The following CDH19 variants were observed in gnomAD, a reference collection of about 807,000 sequenced individuals.
The protein encoded by CDH19 is cadherin 19.
CDH19 carries 67 observed loss-of-function variants against 64.2 expected under a neutral mutation model. The ratio of observed to expected loss-of-function variants is 1.04; its 90% confidence interval spans 0.86 to 1.28. The LOEUF (loss-of-function observed/expected upper bound fraction) is 1.28, where lower values mean the gene tolerates loss of function less well. CDH19 is among the 50% of genes most tolerant of loss of function. The pLI, the probability that CDH19 is intolerant of heterozygous loss-of-function variation, is 0.00. For missense variants in CDH19, 1,030 were observed against 929.0 expected (o/e 1.11, Z -1.41); for synonymous variants, 346 against 319.3 (o/e 1.08, Z -0.89).
At position 66,542,130 on chromosome 18, in the gene CDH19, A is replaced by G. The variant is rs1986910659; in HGVS notation, c.1214+1841T>C. 2.0e-5 allele frequency among the ~76,000 whole-genome samples: 3 copies of G among 152,160 alleles called. No individual in the cohort carries two copies. In the South Asian group the frequency reaches 6.2e-4, roughly 31 times the overall value. ...ATTCCATATTATTTAGTGTTCCCTGAAGAACAATGAATAGGTATACAGATA... is the reference window on the plus strand; with the variant it reads ...ATTCCATATTATTTAGTGTTCCCTGGAGAACAATGAATAGGTATACAGATA... On this transcript the variant is annotated intron_variant, in intron 7 of 11. Transcript: ENST00000262150.
chr18:66,503,189 A>G lies in CDH19; in HGVS notation c.*1623T>C, dbSNP rs996224912. The stretch of plus-strand genomic sequence containing the variant: ...TGAAGTCTACCTTGATTTGGATAGA[A>G]TAATAAAGATCATTCTTAAAAGGTC... On this transcript the variant is annotated 3_prime_UTR_variant, in exon 12 of 12. Coordinates refer to ENST00000262150, the MANE Select transcript of CDH19 (RefSeq NM_021153.4). The G allele has an allele frequency of 2.0e-5, 3 of 151,848 alleles. No individual in the cohort carries two copies. The highest frequency in any genetic ancestry group is 7.2e-5 in the African/African-American group (3 of 41,436). 9.4% of individuals were successfully genotyped at this position (151,848 alleles called of 1,614,324 possible).
At chr18:66,538,788 G>A (rs973698160) in intron 7 of CDH19, among the ~76,000 whole-genome samples, 2 of 151,952 alleles carry the variant, frequency 1.3e-5, no homozygotes, top group African/African-American at 2.4e-5. Flanking sequence ...AGTGATTTCC[G>A]GCAGTCCTTG....
chr18:66,548,877 G>GA (rs1987237334), intron 5 of CDH19, among the ~76,000 whole-genome samples: 1 of 152,270 alleles, frequency 6.6e-6, no homozygotes. Flanking sequence ...TAGGATGTGA[G>GA]AAAAAACAAT....
chr18:66,568,017 TCTA>T (rs1987970776), intron 3 of CDH19, among the ~76,000 whole-genome samples: 1 of 151,744 alleles, frequency 6.6e-6, no homozygotes, highest in Non-Finnish European at 1.5e-5. Flanking sequence ...TACAATAGAG[TCTA>T]ATAAATTCAC....
chr18:66,536,656 A>G (rs1247881868), intron 7 of CDH19, among the ~76,000 whole-genome samples: 1 of 151,732 alleles, frequency 6.6e-6, no homozygotes, highest in African/African-American at 2.4e-5. Context: ...AGAAGTAAAA[A>G]TATATGTAGC....
At position 66,588,429 on chromosome 18, in the gene CDH19, G is replaced by A. The variant is rs115844937; in HGVS notation, c.-113+15525C>T. On this transcript the variant is annotated intron_variant, in intron 1 of 11. Coordinates refer to ENST00000262150, the MANE Select transcript of CDH19 (RefSeq NM_021153.4). ...TATGCTGGGTAGGAAAGAGTTCAGC[G>A]AGCCAGCTGTTATTTGTTAATTCTT... is the stretch of plus-strand genomic sequence containing the variant. Among the ~76,000 whole-genome samples the A allele has an allele frequency of 8.1e-3, 1,223 of 151,834 alleles. 15 individuals are homozygous for A. The highest frequency in any genetic ancestry group is 0.028 in the African/African-American group (1,160 of 41,486).
At chr18:66,535,341 A>G (rs1986619549) in intron 7 of CDH19, among the ~76,000 whole-genome samples, 1 of 151,604 alleles carries the variant, frequency 6.6e-6, no homozygotes, top group South Asian at 2.1e-4. Context: ...TAAATCTAAA[A>G]TTAATGATTG....
At chr18:66,532,727 G>A in intron 8 of CDH19, 1 of 451,782 alleles carries the variant, frequency 2.2e-6, no homozygotes, top group East Asian at 7.0e-5. Flanking sequence ...ATGTGGGGAA[G>A]GATAGGAGAC....
intron 1 of CDH19, among the ~76,000 whole-genome samples, chr18:66,601,288 T>C (rs544934940): frequency 6.6e-6 from 1 of 152,030 alleles, no homozygotes; most frequent in South Asian, 2.1e-4. Flanking sequence ...TTCTTTTCTG[T>C]GATGTATTTA....
intron 1 of CDH19, among the ~76,000 whole-genome samples, chr18:66,573,958 T>C (rs1010697498): frequency 6.6e-6 from 1 of 151,074 alleles, no homozygotes; most frequent in African/African-American, 2.4e-5. Flanking sequence ...ATACACACTT[T>C]TAAACATCAA....
At chr18:66,593,067 T>C (rs971783635) in intron 1 of CDH19, among the ~76,000 whole-genome samples, 2 of 151,890 alleles carry the variant, frequency 1.3e-5, no homozygotes, top group Non-Finnish European at 2.9e-5. Context: ...ACAGTATTTT[T>C]TTTTAGACTT....
chr18:66,593,236 A>G (rs1988793005), intron 1 of CDH19, among the ~76,000 whole-genome samples: 1 of 151,926 alleles, frequency 6.6e-6, no homozygotes, highest in South Asian at 2.1e-4. Context: ...AGCAAAATAA[A>G]TAGGAATTGT....
chr18:66,601,154 A>G (rs766717220), intron 1 of CDH19, among the ~76,000 whole-genome samples: 1 of 151,866 alleles, frequency 6.6e-6, no homozygotes, highest in African/African-American at 2.4e-5. Context: ...TATGTTTAGT[A>G]GTATTATCTC....
intron 9 of CDH19, among the ~76,000 whole-genome samples, chr18:66,525,828 G>A (rs1468955765): frequency 6.6e-6 from 1 of 152,016 alleles, no homozygotes; most frequent in Non-Finnish European, 1.5e-5. Flanking sequence ...GATGCTTATA[G>A]GACTGAGACA....
intron 1 of CDH19, among the ~76,000 whole-genome samples, chr18:66,589,072 A>G (rs1988666134): frequency 6.6e-6 from 1 of 151,896 alleles, no homozygotes; most frequent in East Asian, 1.9e-4. Flanking sequence ...ATGGTTTAAC[A>G]AAACCACCAA....
intron 3 of CDH19, among the ~76,000 whole-genome samples, chr18:66,566,792 G>T (rs1257107269): frequency 4.6e-5 from 7 of 151,796 alleles, no homozygotes; most frequent in Non-Finnish European, 1.0e-4. Flanking sequence ...CCAGCCGACT[G>T]CTTTTTGCTT....
Position 66,544,811 on chromosome 18 carries a change from C to G in CDH19, c.868G>C (p.Glu290Gln), listed in dbSNP as rs1987041896. The change falls in exon 6 of 12, where the codon GAA (glutamate) becomes CAA (glutamine). Residue 290 changes from glutamate (E) to glutamine (Q), a missense_variant. Glu to Gln is a conservative substitution (Grantham distance 29). Coordinates refer to ENST00000262150, the MANE Select transcript of CDH19 (RefSeq NM_021153.4). Reference protein sequence around the residue: ...AYDNDIGENAEMDYSIEEDDS... With the variant: ...AYDNDIGENAQMDYSIEEDDS... ...TCCTCTTCAATGCTGTAATCCATTT[C>G]TGCATTCTCTCCTATGTCATTATCA... 1.9e-6 allele frequency: 3 copies of G among 1,612,506 alleles called. No individual in the cohort carries two copies. The highest frequency in any genetic ancestry group is 3.3e-4 in the Middle Eastern group (2 of 6,058).
At chr18:66,597,926 A>C (rs1475441770) in intron 1 of CDH19, among the ~76,000 whole-genome samples, 1 of 152,120 alleles carries the variant, frequency 6.6e-6, no homozygotes, top group African/African-American at 2.4e-5. Flanking sequence ...TAGCATTAGG[A>C]GATATACCTA....
At chr18:66,601,786 T>C (rs1187513954) in intron 1 of CDH19, among the ~76,000 whole-genome samples, 1 of 151,684 alleles carries the variant, frequency 6.6e-6, no homozygotes. Context: ...AGCATTTAGC[T>C]GTGTTCTCTC....
Sources: allele counts gnomAD v4.1 joint callset (sites outside exome capture counted in the v4.1 genomes callset), GRCh38; gene constraint gnomAD v4.1.1; transcripts MANE v1.5; gene names NCBI Gene and HGNC (gene_info 2026-07-23, HGNC 2026-07-21).